The following MAD1L1 variants were observed in gnomAD, a reference collection of about 807,000 sequenced individuals.
The protein encoded by MAD1L1 is mitotic spindle assembly checkpoint protein MAD1.
In MAD1L1, 95 loss-of-function variants were observed where a neutral mutation model predicts 96.9. The ratio of observed to expected loss-of-function variants is 0.98; its 90% CI spans 0.83 to 1.16. The LOEUF (loss-of-function observed/expected upper bound fraction) is 1.16, where lower values mean the gene tolerates loss of function less well. Ranked by LOEUF, MAD1L1 falls within the 50% of genes most tolerant of loss-of-function variation. The probability of loss-of-function intolerance (pLI) is 0.00; values close to 1 mark genes in which losing one functional copy is unlikely to be tolerated. For missense variants in MAD1L1, 1,007 were observed against 954.4 expected, an observed-to-expected ratio of 1.06 and a Z score of -0.73; for synonymous variants, 473 against 396.6, an observed-to-expected ratio of 1.19 and a Z score of -2.29.
At chr7:2,023,831 C>G (rs902453794) in intron 12 of MAD1L1, among the ~76,000 whole-genome samples, 1 of 152,046 alleles carries the variant, frequency 6.6e-6, no homozygotes, top group African/African-American at 2.4e-5. Context: ...TACCTGTAAT[C>G]CCAGCTACTT....
chr7:1,853,404 A>G (rs1381781734), intron 18 of MAD1L1, among the ~76,000 whole-genome samples: 1 of 152,172 alleles, frequency 6.6e-6, no homozygotes, highest in Non-Finnish European at 1.5e-5. Context: ...GAGGACGCAC[A>G]CGGCAGCCCT....
intron 18 of MAD1L1, among the ~76,000 whole-genome samples, chr7:1,897,217 G>GGACATA (rs1786934338): frequency 3.4e-5 from 3 of 88,752 alleles, no homozygotes; most frequent in Non-Finnish European, 6.4e-5. Flanking sequence ...TGACGGACAT[G>GGACATA]CGTAGGCCGC....
intron 18 of MAD1L1, among the ~76,000 whole-genome samples, chr7:1,885,530 C>G (rs12538674): frequency 0.7 from 106,248 of 152,014 alleles, 37,888 homozygotes; most frequent in African/African-American, 0.84. Context: ...AGATTTCAGG[C>G]GAATGTGTGA....
chr7:1,936,614 C>A, intron 17 of MAD1L1, 73 bp downstream of exon 17: 1 of 1,444,756 alleles, frequency 6.9e-7, no homozygotes, highest in South Asian at 1.3e-5. Flanking sequence ...CCTGAGGCTG[C>A]CCCAAAGGCG....
chr7:2,120,033 C>A lies in MAD1L1; in HGVS notation c.1073+29119G>T, dbSNP rs554626839. On this transcript the variant is annotated intron_variant, in intron 11 of 18. Coordinates refer to ENST00000265854, the MANE Select transcript of MAD1L1 (RefSeq NM_001013836.2). ...TCATGCTCTCCATCCTCAGATCAGG[C>A]CCTCCAGCTCTCCCTGGGGACCAGG... Among the ~76,000 whole-genome samples, 4 of 152,342 alleles carry A rather than the reference C, an allele frequency of 2.6e-5. No individual in the cohort carries two copies. The South Asian group carries it at 8.3e-4, about 32-fold the overall frequency.
chr7:1,947,426 T>G (rs1442399370), intron 16 of MAD1L1, among the ~76,000 whole-genome samples: 1 of 152,246 alleles, frequency 6.6e-6, no homozygotes, highest in Non-Finnish European at 1.5e-5. Context: ...TTATAGATCG[T>G]CCGGCGTCAA....
chr7:1,923,427 G>C (rs910534913), intron 17 of MAD1L1, among the ~76,000 whole-genome samples: 4 of 152,146 alleles, frequency 2.6e-5, no homozygotes, highest in African/African-American at 9.7e-5. Flanking sequence ...TGACACCCAG[G>C]CAATCCTGCG....
intron 17 of MAD1L1, among the ~76,000 whole-genome samples, chr7:1,935,018 C>T (rs142820750): frequency 2.0e-5 from 3 of 151,280 alleles, no homozygotes; most frequent in East Asian, 2.0e-4. Flanking sequence ...AACAAGGGAA[C>T]GAACAGACGG....
intron 16 of MAD1L1, among the ~76,000 whole-genome samples, chr7:1,948,904 T>A (rs1310434010): frequency 6.6e-6 from 1 of 152,136 alleles, no homozygotes; most frequent in African/African-American, 2.4e-5. Context: ...GAGCAGTCCC[T>A]GAACAGAGAC....
intron 17 of MAD1L1, among the ~76,000 whole-genome samples, chr7:1,899,095 CT>C (rs1233598049): frequency 2.0e-5 from 3 of 152,230 alleles, no homozygotes; most frequent in African/African-American, 4.8e-5. Context: ...CCCACTGCCC[CT>C]GACATGGCTC....
rs1404347216 is a variant in MAD1L1 at position 2,077,828 on chromosome 7, C to T, written c.1074-8490G>A. ...GATATCGCTGGACAGAACAACCTCC[C>T]AAACCACACGTGCTCGTCCTCCAGT... On this transcript the variant is annotated intron_variant, in intron 11 of 18. Transcript: ENST00000265854. 2.0e-5 allele frequency among the ~76,000 whole-genome samples: 3 copies of T among 152,230 alleles called. No individual in the cohort carries two copies. In the East Asian group the frequency reaches 5.8e-4, roughly 29 times the overall value.
At chr7:1,851,027 C>A (rs1264700767) in intron 18 of MAD1L1, among the ~76,000 whole-genome samples, 2 of 152,236 alleles carry the variant, frequency 1.3e-5, no homozygotes, top group Non-Finnish European at 2.9e-5. Flanking sequence ...GACCCTGCGT[C>A]CACCGTGGCA....
At chr7:2,223,641 C>T (rs1273755944) in intron 4 of MAD1L1, 2 of 152,284 alleles carry the variant, frequency 1.3e-5, no homozygotes, top group Non-Finnish European at 1.5e-5. Flanking sequence ...CCGCGCACCT[C>T]GGAGGGACTC....
intron 11 of MAD1L1, among the ~76,000 whole-genome samples, chr7:2,091,947 A>C (rs534421879): frequency 2.0e-5 from 3 of 152,258 alleles, no homozygotes; most frequent in African/African-American, 7.2e-5. Context: ...CCTGCTATAA[A>C]CACGCACATT....
chr7:1,863,187 G>T (rs1405312083), intron 18 of MAD1L1, among the ~76,000 whole-genome samples: 1 of 152,296 alleles, frequency 6.6e-6, no homozygotes, highest in Admixed American at 6.5e-5. Context: ...ACGGGCTGAA[G>T]ACCTCACTCC....
At chr7:2,121,138 A>G (rs1342787003) in intron 11 of MAD1L1, among the ~76,000 whole-genome samples, 1 of 152,220 alleles carries the variant, frequency 6.6e-6, no homozygotes, top group Non-Finnish European at 1.5e-5. Context: ...ATTCACCAGG[A>G]CGAGCTGGAC....
chr7:2,228,383 C>G (rs557313641), intron 3 of MAD1L1, among the ~76,000 whole-genome samples: 4 of 152,016 alleles, frequency 2.6e-5, no homozygotes, highest in Admixed American at 2.6e-4. Context: ...CTCAGCCTCC[C>G]GAGTAGGTGG....
At chr7:2,201,664 G>A (rs1003087209) in intron 10 of MAD1L1, among the ~76,000 whole-genome samples, 1 of 152,206 alleles carries the variant, frequency 6.6e-6, no homozygotes, top group African/African-American at 2.4e-5. Flanking sequence ...AGAGCTCCGA[G>A]ACCAAGTGAT....
intron 11 of MAD1L1, among the ~76,000 whole-genome samples, chr7:2,096,584 G>A (rs189305048): frequency 6.6e-6 from 1 of 152,138 alleles, no homozygotes; most frequent in Non-Finnish European, 1.5e-5. Context: ...TCTCCAAGGG[G>A]CATCTGAATT....
Sources: gnomAD v4.1 joint callset for allele counts (sites outside exome capture counted in the v4.1 genomes callset) on GRCh38, gnomAD v4.1.1 for gene constraint, MANE v1.5 for transcripts, NCBI Gene and HGNC (gene_info 2026-07-23, HGNC 2026-07-21) for gene names.